CTNNA3: variants seen among roughly 807,000 people sequenced by gnomAD.
CTNNA3 encodes catenin alpha 3.
CTNNA3 carries 76 observed loss-of-function variants against 95.7 expected under a neutral mutation model. The observed-to-expected ratio is 0.79, with a 90% CI of 0.66 to 0.96. The LOEUF (loss-of-function observed/expected upper bound fraction) is 0.96. Ranked by LOEUF, CTNNA3 falls within the 40% of genes least tolerant of loss-of-function variation. The pLI, the probability that CTNNA3 is intolerant of heterozygous loss-of-function variation, is 0.00. For missense variants in CTNNA3, 1,191 were observed against 1,089.8 expected, an observed-to-expected ratio of 1.09 and a Z score of -1.31; for synonymous variants, 431 against 374.4, an observed-to-expected ratio of 1.15 and a Z score of -1.74.
intron 7 of CTNNA3, among the ~76,000 whole-genome samples, chr10:67,059,508 A>G (rs1855635376): frequency 6.6e-6 from 1 of 152,228 alleles, no homozygotes; most frequent in Non-Finnish European, 1.5e-5. Flanking sequence ...AAATTTAGCC[A>G]TAGAAAATTT....
intron 5 of CTNNA3, among the ~76,000 whole-genome samples, chr10:67,443,145 A>G (rs1161891482): frequency 6.7e-6 from 1 of 149,588 alleles, no homozygotes; most frequent in Non-Finnish European, 1.5e-5. Flanking sequence ...TTATGGCTGC[A>G]TAGTATTCCA....
intron 7 of CTNNA3, among the ~76,000 whole-genome samples, chr10:66,901,344 C>G (rs893322433): frequency 6.6e-6 from 1 of 152,136 alleles, no homozygotes; most frequent in African/African-American, 2.4e-5. Context: ...TTTGTCACCA[C>G]CAGGTCTGCC....
chr10:66,552,965 A>AT (rs937030787), intron 10 of CTNNA3, among the ~76,000 whole-genome samples: 2 of 151,900 alleles, frequency 1.3e-5, no homozygotes, highest in African/African-American at 2.4e-5. Context: ...ATGCTGAGTG[A>AT]TTTTTTTGCA....
chr10:66,050,241 A>G (rs2079918942), intron 15 of CTNNA3, among the ~76,000 whole-genome samples: 1 of 151,898 alleles, frequency 6.6e-6, no homozygotes, highest in African/African-American at 2.4e-5. Flanking sequence ...GAAGTCAGAT[A>G]TTTTCACATG....
chr10:66,620,738 C>T (rs990523693), intron 10 of CTNNA3, among the ~76,000 whole-genome samples: 6 of 152,146 alleles, frequency 3.9e-5, no homozygotes, highest in African/African-American at 1.4e-4. Context: ...TGTTAATCAA[C>T]ATTAAGTCCA....
At chr10:67,716,608 G>A (rs1044658616) in intron 1 of CTNNA3, among the ~76,000 whole-genome samples, 2 of 152,160 alleles carry the variant, frequency 1.3e-5, no homozygotes, top group African/African-American at 2.4e-5. Context: ...TGCTGACAAC[G>A]ATGGTTTCCA....
chr10:65,948,448 C>T lies in CTNNA3; in HGVS notation c.2400+18164G>A, dbSNP rs1461941596. Among the ~76,000 whole-genome samples the T allele has an allele frequency of 1.3e-5, 2 of 152,020 alleles. 1 individual carries two copies. The highest frequency in any genetic ancestry group is 4.1e-4 in the South Asian group (2 of 4,820). On this transcript the variant is annotated intron_variant, in intron 17 of 17. Coordinates refer to ENST00000433211, the MANE Select transcript of CTNNA3 (RefSeq NM_013266.4). Reference sequence around the variant, plus strand: ...TGAATGTTGCTAGAAAACTCAACCACGAATTGCCTGTGACCCAGGGCTTGA... The same window carrying T: ...TGAATGTTGCTAGAAAACTCAACCATGAATTGCCTGTGACCCAGGGCTTGA...
chr10:66,561,538 G>A (rs993297607), intron 10 of CTNNA3, among the ~76,000 whole-genome samples: 2 of 151,970 alleles, frequency 1.3e-5, no homozygotes, highest in Admixed American at 1.3e-4. Flanking sequence ...AAAGTGATTG[G>A]GTAAGAAGGA....
intron 15 of CTNNA3, among the ~76,000 whole-genome samples, chr10:66,026,876 T>A (rs1338705348): frequency 1.3e-5 from 2 of 152,140 alleles, no homozygotes; most frequent in African/African-American, 4.8e-5. Context: ...ATGAAAATGG[T>A]GCTTCTAAGT....
intron 5 of CTNNA3, among the ~76,000 whole-genome samples, chr10:67,296,395 A>G (rs1840031228): frequency 6.6e-6 from 1 of 152,198 alleles, no homozygotes. Flanking sequence ...GCTTGAAATC[A>G]CTAATGCCAT....
intron 15 of CTNNA3, among the ~76,000 whole-genome samples, chr10:66,035,308 G>T (rs540263909): frequency 6.6e-6 from 1 of 152,056 alleles, no homozygotes; most frequent in Non-Finnish European, 1.5e-5. Flanking sequence ...AGACATGGGG[G>T]GTCTAAGAAA....
chr10:67,747,214 G>A (rs910024212), intron 1 of CTNNA3, among the ~76,000 whole-genome samples: 2 of 152,032 alleles, frequency 1.3e-5, no homozygotes, highest in African/African-American at 4.8e-5. Flanking sequence ...TAGCTCTGAG[G>A]AATATGAGCA....
intron 13 of CTNNA3, among the ~76,000 whole-genome samples, chr10:66,140,527 C>T (rs1192085749): frequency 2.0e-5 from 3 of 152,154 alleles, no homozygotes; most frequent in Non-Finnish European, 4.4e-5. Context: ...ATGATTTAAG[C>T]CCTATTCATA....
intron 14 of CTNNA3, among the ~76,000 whole-genome samples, chr10:66,093,256 GAACTT>G (rs1345877322): frequency 6.6e-6 from 1 of 151,904 alleles, no homozygotes; most frequent in Non-Finnish European, 1.5e-5. Context: ...TTCAAGTAAA[GAACTT>G]AAAGATCAAA....
chr10:67,578,044 C>T (rs1364797245), intron 3 of CTNNA3, among the ~76,000 whole-genome samples: 1 of 141,538 alleles, frequency 7.1e-6, no homozygotes. Context: ...AATAGCCATT[C>T]TATACATCAG....
intron 7 of CTNNA3, among the ~76,000 whole-genome samples, chr10:67,178,281 T>C (rs949587751): frequency 8.5e-5 from 13 of 152,064 alleles, no homozygotes; most frequent in African/African-American, 3.1e-4. Flanking sequence ...AAATCTAACA[T>C]TAAATAGCAA....
intron 12 of CTNNA3, among the ~76,000 whole-genome samples, chr10:66,368,748 G>A (rs560361389): frequency 6.6e-6 from 1 of 152,180 alleles, no homozygotes; most frequent in East Asian, 1.9e-4. Context: ...GGCAAGAGAA[G>A]TACAATATTT....
chr10:66,330,575 G>T (rs569846274), intron 12 of CTNNA3, among the ~76,000 whole-genome samples: 4 of 152,006 alleles, frequency 2.6e-5, no homozygotes, highest in Non-Finnish European at 4.4e-5. Flanking sequence ...TAATCCTCTG[G>T]GTATACACCC....
chr10:66,825,913 T>C (rs1281979919), intron 7 of CTNNA3, among the ~76,000 whole-genome samples: 2 of 152,214 alleles, frequency 1.3e-5, no homozygotes, highest in African/African-American at 4.8e-5. Context: ...ACTCCTGTAT[T>C]CTCCTGAAAT....
Sources: gnomAD v4.1 joint callset for allele counts (sites outside exome capture counted in the v4.1 genomes callset) on GRCh38, gnomAD v4.1.1 for gene constraint, MANE v1.5 for transcripts, NCBI Gene and HGNC (gene_info 2026-07-23, HGNC 2026-07-21) for gene names.